Variants in NAALADL2 observed in about 807,000 individuals in gnomAD.
NAALADL2 encodes N-acetylated alpha-linked acidic dipeptidase like 2.
Under a neutral mutation model 87.2 loss-of-function variants are expected in NAALADL2, and 76 were observed. That is an observed-to-expected ratio of 0.87 (90% confidence interval 0.72 to 1.05). The LOEUF (loss-of-function observed/expected upper bound fraction) is 1.05. Ranked by LOEUF, NAALADL2 falls within the 50% of genes least tolerant of loss-of-function variation. The pLI is 0.00. For synonymous variants in NAALADL2, 354 were observed against 331.0 expected, an observed-to-expected ratio of 1.07 and a Z score of -0.75; for missense variants, 1,089 against 945.8, an observed-to-expected ratio of 1.15 and a Z score of -1.99.
intron 1 of NAALADL2, among the ~76,000 whole-genome samples, chr3:175,071,657 G>A (rs1715668034): frequency 6.6e-6 from 1 of 151,970 alleles, no homozygotes; most frequent in Non-Finnish European, 1.5e-5. Flanking sequence ...GTTGACTGGG[G>A]AATGTTATTG....
chr3:174,901,284 A>G (rs911431960), intron 1 of NAALADL2, among the ~76,000 whole-genome samples: 1 of 152,172 alleles, frequency 6.6e-6, no homozygotes, highest in African/African-American at 2.4e-5. Flanking sequence ...TTTATCAACC[A>G]TTTCCAAAAT....
At chr3:174,890,129 T>C (rs1730691353) in intron 1 of NAALADL2, among the ~76,000 whole-genome samples, 1 of 152,172 alleles carries the variant, frequency 6.6e-6, no homozygotes. Context: ...CACGATGACG[T>C]TTCTAGTAAT....
At chr3:175,162,264 C>A (rs892827160) in intron 2 of NAALADL2, among the ~76,000 whole-genome samples, 2 of 152,112 alleles carry the variant, frequency 1.3e-5, no homozygotes, top group South Asian at 4.1e-4. Flanking sequence ...CCCATGAGAA[C>A]CCACATTTTA....
chr3:175,082,387 C>T lies in NAALADL2; in HGVS notation c.44-14403C>T, dbSNP rs1718040202. 2.0e-5 allele frequency among the ~76,000 whole-genome samples: 3 copies of T among 152,062 alleles called. No homozygotes were observed. In the South Asian group the frequency reaches 6.2e-4, roughly 32 times the overall value. On this transcript the variant is annotated intron_variant, in intron 1 of 13. Transcript: ENST00000454872. ...TATTTTGTTCATAAAGTGCATTATG[C>T]AACTAATTTGACTATCATAAAATGG... is the stretch of plus-strand genomic sequence containing the variant.
At chr3:175,557,614 T>C (rs956686463) in intron 9 of NAALADL2, among the ~76,000 whole-genome samples, 5 of 152,144 alleles carry the variant, frequency 3.3e-5, no homozygotes, top group Non-Finnish European at 5.9e-5. Context: ...AGTTCAATTA[T>C]TTTAATTTTT....
chr3:174,888,234 G>A (rs920471802), intron 1 of NAALADL2, among the ~76,000 whole-genome samples: 3 of 152,182 alleles, frequency 2.0e-5, no homozygotes, highest in Non-Finnish European at 4.4e-5. Context: ...CAATGATGTC[G>A]TGGAAGAATA....
At chr3:174,443,343 C>A (rs1714803515) in intron 1 of NAALADL2, among the ~76,000 whole-genome samples, 1 of 152,000 alleles carries the variant, frequency 6.6e-6, no homozygotes, top group Admixed American at 6.6e-5. Flanking sequence ...AGGGTGTATT[C>A]CTCAGGGTTT....
chr3:174,501,487 A>C (rs1166248587), intron 1 of NAALADL2, among the ~76,000 whole-genome samples: 1 of 152,034 alleles, frequency 6.6e-6, no homozygotes, highest in Non-Finnish European at 1.5e-5. Flanking sequence ...TTGCTTTTTA[A>C]GTGTTTAGGA....
intron 1 of NAALADL2, among the ~76,000 whole-genome samples, chr3:174,975,637 A>ATAATTATTATT (rs1330488642): frequency 2.3e-4 from 35 of 152,182 alleles, no homozygotes; most frequent in African/African-American, 8.2e-4. Flanking sequence ...TGTATAACAA[A>ATAATTATTATT]TGGTGATGGG....
At chr3:174,990,410 C>T (rs190099507) in intron 1 of NAALADL2, among the ~76,000 whole-genome samples, 13 of 152,162 alleles carry the variant, frequency 8.5e-5, no homozygotes, top group East Asian at 3.9e-4. Flanking sequence ...CCAAGCCTTG[C>T]GTCTCGTAGG....
chr3:175,630,908 A>C (rs1203562745), intron 11 of NAALADL2, among the ~76,000 whole-genome samples: 2 of 151,706 alleles, frequency 1.3e-5, no homozygotes, highest in Admixed American at 6.6e-5. Context: ...TACTAGTATT[A>C]TGTCAATATT....
intron 1 of NAALADL2, among the ~76,000 whole-genome samples, chr3:175,041,214 G>A (rs1274216181): frequency 6.6e-6 from 1 of 151,912 alleles, no homozygotes; most frequent in African/African-American, 2.4e-5. Flanking sequence ...TCTTCATTTG[G>A]CACTTCTTCA....
At chr3:174,991,088 T>TA (rs922306720) in intron 1 of NAALADL2, among the ~76,000 whole-genome samples, 21 of 151,996 alleles carry the variant, frequency 1.4e-4, no homozygotes, top group Non-Finnish European at 2.4e-4. Flanking sequence ...GAAACTAATT[T>TA]AAAAAAAACC....
intron 12 of NAALADL2, among the ~76,000 whole-genome samples, chr3:175,742,384 GTTTGTTTGT>G (rs934719462): frequency 6.6e-6 from 1 of 152,152 alleles, no homozygotes; most frequent in African/African-American, 2.4e-5. Flanking sequence ...AAGTTTTTTT[GTTTGTTTGT>G]TTTGTTTGTT....
intron 1 of NAALADL2, among the ~76,000 whole-genome samples, chr3:175,035,999 T>C (rs575844100): frequency 9.2e-5 from 14 of 152,304 alleles, no homozygotes; most frequent in South Asian, 4.1e-4. Context: ...CGGGTAGACC[T>C]ACATAAAAGT....
At position 175,324,286 on chromosome 3, in the gene NAALADL2, C is replaced by A. The variant is rs1760401320; in HGVS notation, c.1051C>A (p.Pro351Thr). Residue 351 changes from proline (P) to threonine (T), a missense_variant, in exon 5 of 14, where the codon CCA becomes ACA. By Grantham distance (38) the Pro-to-Thr change is conservative. Transcript: ENST00000454872. Reference sequence around the variant, plus strand: ...TGATACCTTCATGGTGTCACTGAATCCAGGAGGAGACCCTTCTACGCCTGG... The same window carrying A: ...TGATACCTTCATGGTGTCACTGAATACAGGAGGAGACCCTTCTACGCCTGG... ...SHDTFMVSLN[P>T]GGDPSTPGYP... The A allele has an allele frequency of 6.2e-7, 1 of 1,613,224 alleles. No homozygotes were observed. Among genetic ancestry groups the A allele is most frequent in the African/African-American group, 1.3e-5 (1 of 74,834 alleles).
rs1560026531 is a variant in NAALADL2 at position 174,519,299 on chromosome 3, TGAAACAAG to T, written c.-183-31269_-183-31262del. ...TAAGATTAGCCCTCAGCAAAGTTTTTGAAACAAGTGAATGAATGAAGATTTCCTTTTTT... is the reference window on the plus strand; with the variant it reads ...TAAGATTAGCCCTCAGCAAAGTTTTTTGAATGAATGAAGATTTCCTTTTTT... On this transcript the variant is annotated intron_variant, in intron 1 of 3. Transcript: ENST00000434257. Among the ~76,000 whole-genome samples the T allele has an allele frequency of 3.1e-3, 472 of 151,084 alleles. 7 individuals are homozygous for T. The highest frequency in any genetic ancestry group is 0.011 in the African/African-American group (459 of 40,700).
intron 3 of NAALADL2, among the ~76,000 whole-genome samples, chr3:174,849,508 G>A (rs113001612): frequency 0.01 from 1,554 of 151,940 alleles, 20 homozygotes; most frequent in African/African-American, 0.027. Flanking sequence ...GGGCCGAGGC[G>A]GGCAGATCAC....
chr3:175,013,008 C>CAT (rs201178289), intron 1 of NAALADL2, among the ~76,000 whole-genome samples: 11,777 of 106,736 alleles, frequency 0.11, 2,959 homozygotes, highest in African/African-American at 0.48. Flanking sequence ...TATATATGTA[C>CAT]ATATATAATA....
Sources: gnomAD v4.1 joint callset for allele counts (sites outside exome capture counted in the v4.1 genomes callset) on GRCh38, gnomAD v4.1.1 for gene constraint, MANE v1.5 for transcripts, NCBI Gene and HGNC (gene_info 2026-07-23, HGNC 2026-07-21) for gene names.